GRM7: variants seen among roughly 807,000 people sequenced by gnomAD.
The protein encoded by GRM7 is glutamate metabotropic receptor 7, also known as metabotropic glutamate receptor 7.
In GRM7, 35 loss-of-function variants were observed where a neutral mutation model predicts 84.5. The ratio of observed to expected loss-of-function variants is 0.41; its 90% CI spans 0.32 to 0.55. GRM7 has a LOEUF of 0.55. Among genes scored for constraint, GRM7 ranks in the 20% least tolerant of loss-of-function variants. The pLI is 0.19. For synonymous variants in GRM7, 487 were observed against 455.1 expected (o/e 1.07, Z -0.89); for missense variants, 1,003 against 1,194.6 (o/e 0.84, Z 2.36).
At chr3:7,620,222 A>G (rs921660181) in intron 8 of GRM7, among the ~76,000 whole-genome samples, 2 of 152,188 alleles carry the variant, frequency 1.3e-5, no homozygotes, top group Non-Finnish European at 2.9e-5. Context: ...AAATAAAACT[A>G]TAAAAAATGT....
chr3:7,448,378 A>T (rs1461000925), intron 5 of GRM7, among the ~76,000 whole-genome samples: 1 of 152,154 alleles, frequency 6.6e-6, no homozygotes, highest in Admixed American at 6.5e-5. Flanking sequence ...CTAGAATTGT[A>T]TCCTATCCCT....
chr3:7,046,729 A>ATGCATT (rs765352810), intron 1 of GRM7, among the ~76,000 whole-genome samples: 4 of 152,030 alleles, frequency 2.6e-5, no homozygotes, highest in Non-Finnish European at 5.9e-5. Flanking sequence ...AGGACAATGG[A>ATGCATT]TGCATTTTTG....
In GRM7 at chr3:7,151,177, G is replaced by A. The variant is rs1240257939; in HGVS notation, c.736+4509G>A. 2.0e-5 allele frequency among the ~76,000 whole-genome samples: 3 copies of A among 151,780 alleles called. No homozygotes were observed. Among genetic ancestry groups the A allele is most frequent in the Non-Finnish European group, 4.4e-5 (3 of 67,970 alleles). On this transcript the variant is annotated intron_variant, in intron 2 of 9. Transcript: ENST00000357716. This position sits in a 1 kb window ranked among gnomAD's most constrained non-coding sequence, Gnocchi z 4.5. ...GCATATTTTTTTCCTAAAATACTTA[G>A]AGGAAGATTTGATTAACTGTTATTA...
chr3:6,957,317 TGAGG>T (rs1165569056), intron 1 of GRM7, among the ~76,000 whole-genome samples: 19 of 152,336 alleles, frequency 1.2e-4, no homozygotes, highest in Admixed American at 5.2e-4. Flanking sequence ...GTCAGCTTGC[TGAGG>T]GCAGGGATCT....
intron 2 of GRM7, among the ~76,000 whole-genome samples, chr3:7,193,738 T>C (rs890873528): frequency 1.5e-4 from 23 of 152,022 alleles, no homozygotes; most frequent in Non-Finnish European, 2.9e-5. Flanking sequence ...ATTAGGGTGA[T>C]TTATTAAGTT....
intron 1 of GRM7, among the ~76,000 whole-genome samples, chr3:7,095,501 T>C (rs1049111976): frequency 6.6e-6 from 1 of 152,170 alleles, no homozygotes; most frequent in Non-Finnish European, 1.5e-5. Context: ...CCCATTGACA[T>C]TGAGATTACA....
At chr3:7,651,021 A>C (rs1698911251) in intron 8 of GRM7, among the ~76,000 whole-genome samples, 1 of 144,964 alleles carries the variant, frequency 6.9e-6, no homozygotes, top group Non-Finnish European at 1.5e-5. Context: ...TTGAAGGAAA[A>C]TTGTGGGGAA....
Position 7,396,681 on chromosome 3 carries a change from A to C in GRM7, c.1034-18342A>C, listed in dbSNP as rs190977866. On this transcript the variant is annotated intron_variant, in intron 4 of 9. Coordinates refer to ENST00000357716, the MANE Select transcript of GRM7 (RefSeq NM_000844.4). ...CATTTGGGATGGATGGGTAGCTGGG[A>C]GTATAAAATGAGCTCAGTCTGGTGA... Among the ~76,000 whole-genome samples the C allele has an allele frequency of 9.5e-4, 145 of 152,192 alleles. 2 individuals carry two copies. Among genetic ancestry groups the C allele is most frequent in the Admixed American group, 8.6e-3 (132 of 15,274 alleles).
At chr3:7,393,930 A>G (rs1695103819) in intron 4 of GRM7, among the ~76,000 whole-genome samples, 1 of 152,224 alleles carries the variant, frequency 6.6e-6, no homozygotes, top group African/African-American at 2.4e-5. Flanking sequence ...CATTACCAGT[A>G]GTAATTATAA....
rs535743035 is a variant in GRM7, at chr3:7,166,707, G to A, written c.736+20039G>A. On this transcript the variant is annotated intron_variant, in intron 2 of 9. Coordinates refer to ENST00000357716, the MANE Select transcript of GRM7 (RefSeq NM_000844.4). ...AATTCCAGGGCAGCTGCTTATTAAC[G>A]AACAGATGCCGCTTGATGGCACTGA... Among the ~76,000 whole-genome samples, 22 of 152,252 alleles carry A rather than the reference G, an allele frequency of 1.4e-4. No individual in the cohort carries two copies. The South Asian group carries it at 3.9e-3, about 27-fold the overall frequency.
intron 4 of GRM7, among the ~76,000 whole-genome samples, chr3:7,393,827 T>G (rs991628531): frequency 6.6e-6 from 1 of 152,194 alleles, no homozygotes; most frequent in African/African-American, 2.4e-5. Context: ...CAAGTAAGTC[T>G]TCATTCAATA....
chr3:7,559,744 C>T (rs1166831070), intron 7 of GRM7, among the ~76,000 whole-genome samples: 1 of 152,096 alleles, frequency 6.6e-6, no homozygotes, highest in Non-Finnish European at 1.5e-5. Flanking sequence ...CTAGGGCTGC[C>T]ATAACAGAAT....
intron 2 of GRM7, among the ~76,000 whole-genome samples, chr3:7,210,539 T>C (rs992458714): frequency 2.6e-5 from 4 of 152,186 alleles, no homozygotes; most frequent in African/African-American, 9.7e-5. Flanking sequence ...AGAAAAGAAA[T>C]GCCAAAAGCA....
intron 1 of GRM7, among the ~76,000 whole-genome samples, chr3:6,999,437 A>G (rs1694936660): frequency 6.6e-6 from 1 of 152,088 alleles, no homozygotes. Flanking sequence ...TCTTCTTTGG[A>G]GCCCTCTAAA....
intron 6 of GRM7, among the ~76,000 whole-genome samples, chr3:7,459,538 G>A (rs1349424570): frequency 1.2e-4 from 19 of 152,102 alleles, no homozygotes; most frequent in Non-Finnish European, 2.9e-5. Context: ...TAGGGTGGAA[G>A]ACAAAAGGCA....
chr3:7,569,206 C>T (rs1438404791), intron 7 of GRM7, among the ~76,000 whole-genome samples: 3 of 152,192 alleles, frequency 2.0e-5, no homozygotes, highest in East Asian at 1.9e-4. Context: ...CACCAATCTA[C>T]ACTCTGTATC....
intron 4 of GRM7, among the ~76,000 whole-genome samples, chr3:7,390,832 T>C (rs1300610001): frequency 6.6e-6 from 1 of 152,128 alleles, no homozygotes; most frequent in African/African-American, 2.4e-5. Context: ...AATTCTAAGT[T>C]CTATATCTGT....
At chr3:7,427,384 G>A (rs1696654706) in intron 5 of GRM7, among the ~76,000 whole-genome samples, 1 of 152,124 alleles carries the variant, frequency 6.6e-6, no homozygotes, top group Non-Finnish European at 1.5e-5. Context: ...TGCATTTTAT[G>A]TGTTATGAAG....
At chr3:7,212,728 C>T (rs142609196) in intron 2 of GRM7, among the ~76,000 whole-genome samples, 14 of 152,254 alleles carry the variant, frequency 9.2e-5, no homozygotes, top group African/African-American at 3.4e-4. Context: ...TCCATTCATC[C>T]ACTACCCAAT....
Sources: gnomAD v4.1 joint callset for allele counts (sites outside exome capture counted in the v4.1 genomes callset) on GRCh38, gnomAD v4.1.1 for gene constraint, Gnocchi (gnomAD v3.1) non-coding constraint, MANE v1.5 for transcripts, NCBI Gene and HGNC (gene_info 2026-07-23, HGNC 2026-07-21) for gene names.